Variants in MYRFL observed in about 807,000 individuals in gnomAD.
MYRFL encodes the protein myelin regulatory factor-like protein.
Under a neutral mutation model 109.4 loss-of-function variants are expected in MYRFL, and 88 were observed. The observed-to-expected ratio is 0.80, with a 90% CI of 0.68 to 0.96. The LOEUF (loss-of-function observed/expected upper bound fraction) is 0.96. Ranked by LOEUF, MYRFL falls within the 40% of genes least tolerant of loss-of-function variation. The pLI is 0.00. For synonymous variants in MYRFL, 324 were observed against 320.9 expected (o/e 1.01, Z -0.10); for missense variants, 957 against 954.9 (o/e 1.00, Z -0.03).
intron 2 of MYRFL, among the ~76,000 whole-genome samples, chr12:69,873,776 A>G (rs1266981490): frequency 6.6e-6 from 1 of 152,198 alleles, no homozygotes; most frequent in Non-Finnish European, 1.5e-5. Flanking sequence ...GAAACCTTAG[A>G]AAGTGAAACC....
chr12:69,885,648 A>T (rs186755905), intron 5 of MYRFL, among the ~76,000 whole-genome samples: 79 of 152,328 alleles, frequency 5.2e-4, no homozygotes, highest in Non-Finnish European at 8.4e-4. Context: ...CATAAAAATT[A>T]TCTGAGGTTG....
chr12:69,860,709 T>C (rs1158543788), intron 2 of MYRFL, among the ~76,000 whole-genome samples: 1 of 152,124 alleles, frequency 6.6e-6, no homozygotes, highest in African/African-American at 2.4e-5. Context: ...GATTGCCTTT[T>C]AAACTCTTCA....
Position 69,952,743 on chromosome 12 carries a change from T to C in MYRFL, c.2288-56T>C. The C allele has an allele frequency of 2.4e-6, 3 of 1,265,192 alleles. No homozygotes were observed. The Admixed American group carries it at 6.7e-5, about 28-fold the overall frequency. 78.4% of individuals were successfully genotyped at this position (1,265,192 alleles called of 1,614,324 possible). ...TTTGAGGACTGTGGCTGGAATACAA[T>C]ATTCTTTTTCCTTTCAGAAGAGTTT... On this transcript the variant is annotated intron_variant, in intron 20 of 24. Transcript: ENST00000552032.
At chr12:69,899,212 C>T (rs1294392050) in intron 10 of MYRFL, among the ~76,000 whole-genome samples, 1 of 149,502 alleles carries the variant, frequency 6.7e-6, no homozygotes, top group Non-Finnish European at 1.5e-5. Context: ...CTAACATCAA[C>T]CATTCATCCC....
At chr12:69,939,642 T>G (rs1282872452) in intron 19 of MYRFL, among the ~76,000 whole-genome samples, 1 of 152,128 alleles carries the variant, frequency 6.6e-6, no homozygotes, top group Non-Finnish European at 1.5e-5. Context: ...GCGCCTCTCC[T>G]CCTCCAAAGG....
At chr12:69,856,865 G>A (rs1565974651) in intron 2 of MYRFL, among the ~76,000 whole-genome samples, 1 of 151,866 alleles carries the variant, frequency 6.6e-6, no homozygotes, top group African/African-American at 2.4e-5. Flanking sequence ...AATCTTAACA[G>A]TGTTTTTCTC....
At chr12:69,825,669 A>G in intron 1 of MYRFL, 106 bp downstream of exon 1, 4 of 650,480 alleles carry the variant, frequency 6.1e-6, no homozygotes, top group South Asian at 5.3e-5. Context: ...AAGAAATGCT[A>G]TCATACTTAG....
At chr12:69,934,326 A>G (rs1043737719) in intron 16 of MYRFL, among the ~76,000 whole-genome samples, 1 of 152,220 alleles carries the variant, frequency 6.6e-6, no homozygotes, top group African/African-American at 2.4e-5. Context: ...TGGCCAGTCC[A>G]GGCATGTCAC....
At chr12:69,934,961 G>A (rs1472700113) in intron 16 of MYRFL, among the ~76,000 whole-genome samples, 1 of 152,162 alleles carries the variant, frequency 6.6e-6, no homozygotes, top group Non-Finnish European at 1.5e-5. Flanking sequence ...TGGCTTGAAG[G>A]TGGGGTTTCA....
chr12:69,896,608 C>G (rs192042048), intron 9 of MYRFL, among the ~76,000 whole-genome samples: 1 of 152,322 alleles, frequency 6.6e-6, no homozygotes, highest in East Asian at 1.9e-4. Context: ...TGGCTAAAGT[C>G]AAGCCCAGAG....
In MYRFL at chr12:69,936,199, G is replaced by C. The variant is rs909248448; in HGVS notation, c.1991+12G>C. The C allele has an allele frequency of 6.7e-7, 1 of 1,491,476 alleles. No individual in the cohort carries two copies. Among genetic ancestry groups the C allele is most frequent in the Admixed American group, 2.1e-5 (1 of 47,048 alleles). The allele number at this position is 1,491,476 out of a possible 1,614,324, so 92.4% of individuals were successfully genotyped here. ...AATCTCCCTCCAAGGTGAGAGTTCAGTTCAATTTTCTGGCCTAAAATTCCT... is the reference window on the plus strand; with the variant it reads ...AATCTCCCTCCAAGGTGAGAGTTCACTTCAATTTTCTGGCCTAAAATTCCT... On this transcript the variant is annotated intron_variant, in intron 17 of 24. Transcript: ENST00000552032.
chr12:69,933,895 C>G (rs1955358539), intron 16 of MYRFL, among the ~76,000 whole-genome samples: 1 of 152,058 alleles, frequency 6.6e-6, no homozygotes, highest in African/African-American at 2.4e-5. Flanking sequence ...TTTTCCAATA[C>G]TGTTTACCAC....
chr12:69,842,397 AT>A lies in MYRFL; in HGVS notation c.47-12880del, dbSNP rs577764666. 1.1e-3 allele frequency among the ~76,000 whole-genome samples: 168 copies of A among 152,320 alleles called. 1 individual carries two copies. The highest frequency in any genetic ancestry group is 1.6e-3 in the Admixed American group (25 of 15,290). On this transcript the variant is annotated intron_variant, in intron 1 of 24. Transcript: ENST00000552032. ...ATTACATTTATTCATTCACAGCTTT[AT>A]TTACTCACCTAACAAGGTCAACATT...
intron 15 of MYRFL, among the ~76,000 whole-genome samples, chr12:69,931,104 G>GACTC (rs1451005821): frequency 6.6e-6 from 1 of 152,128 alleles, no homozygotes; most frequent in Non-Finnish European, 1.5e-5. Flanking sequence ...ATAACTTGAA[G>GACTC]ACTCAACTCT....
At chr12:69,932,700 C>T in intron 16 of MYRFL, 102 bp downstream of exon 16, 1 of 839,764 alleles carries the variant, frequency 1.2e-6, no homozygotes, top group Non-Finnish European at 1.9e-6. Context: ...ACTTTGAAGA[C>T]AAGAAGCCCT....
chr12:69,849,015 G>A (rs1883726180), intron 1 of MYRFL, among the ~76,000 whole-genome samples: 1 of 152,148 alleles, frequency 6.6e-6, no homozygotes, highest in South Asian at 2.1e-4. Flanking sequence ...GGGACCACAG[G>A]TGCATGGCAC....
At chr12:69,915,989 G>T (rs1247876199) in intron 13 of MYRFL, among the ~76,000 whole-genome samples, 1 of 151,972 alleles carries the variant, frequency 6.6e-6, no homozygotes, top group Non-Finnish European at 1.5e-5. Context: ...GGTGTGTCTT[G>T]TGAATAATTA....
intron 2 of MYRFL, among the ~76,000 whole-genome samples, chr12:69,855,848 G>A (rs1884246801): frequency 6.6e-6 from 1 of 151,302 alleles, no homozygotes; most frequent in Non-Finnish European, 1.5e-5. Flanking sequence ...CAAAGTACCA[G>A]CTTTTGGTTA....
chr12:69,955,082 G>A (rs1181110347), intron 21 of MYRFL, among the ~76,000 whole-genome samples: 2 of 152,020 alleles, frequency 1.3e-5, no homozygotes, highest in African/African-American at 4.8e-5. Context: ...CCATTTCTTG[G>A]TCTAGGATTT....
Sources: allele counts gnomAD v4.1 joint callset (sites outside exome capture counted in the v4.1 genomes callset), GRCh38; gene constraint gnomAD v4.1.1; transcripts MANE v1.5; gene names NCBI Gene and HGNC (gene_info 2026-07-23, HGNC 2026-07-21).